The following CCKAR variants were observed in gnomAD, a reference collection of about 807,000 sequenced individuals.
CCKAR encodes the protein cholecystokinin A receptor.
Under a neutral mutation model 29.8 loss-of-function variants are expected in CCKAR, and 21 were observed. The observed-to-expected ratio is 0.70, with a 90% CI of 0.50 to 1.01. The LOEUF (loss-of-function observed/expected upper bound fraction) is 1.01. Ranked by LOEUF, CCKAR falls within the 50% of genes least tolerant of loss-of-function variation. The pLI, the probability that CCKAR is intolerant of heterozygous loss-of-function variation, is 0.00. For synonymous variants in CCKAR, 238 were observed against 221.3 expected, an observed-to-expected ratio of 1.08 and a Z score of -0.67; for missense variants, 570 against 560.6, an observed-to-expected ratio of 1.02 and a Z score of -0.17.
In CCKAR at chr4:26,481,789, A is replaced by G. The variant is rs1737350720; in HGVS notation, c.1136T>C (p.Leu379Pro). ...IYCFMNKRFR[L>P]GFMATFPCCP... is the part of the protein sequence containing the mutation. ...GCAGGGGAAGGTGGCCATGAAGCCG[A>G]GGCGGAAGCGTTTGTTCATGAAGCA... Residue 379 changes from leucine (L) to proline (P), a missense_variant, in exon 5 of 5, where the codon CTC (leucine) becomes CCC (proline). Leu to Pro is a moderately conservative substitution (Grantham distance 98). Transcript: ENST00000295589. 6.2e-7 allele frequency: 1 copy of G among 1,613,858 alleles called. No individual in the cohort carries two copies.
chr4:26,481,663 A>G lies in CCKAR; in HGVS notation c.1262T>C (p.Met421Thr), dbSNP rs776397508. The change falls in exon 5 of 5, where the codon ATG becomes ACG. Residue 421 changes from methionine (M) to threonine (T), a missense_variant. Transcript: ENST00000295589. ...TCACTGGGGTGGCACCGAGGCACTC[A>G]TATGGCTGTACGAGAACCTGGACAG... ...ASLSRFSYSHMSASVPPQ is the reference protein window; with the variant it reads ...ASLSRFSYSHTSASVPPQ The G allele has an allele frequency of 6.2e-7, 1 of 1,614,042 alleles. No individual in the cohort carries two copies. Among genetic ancestry groups the G allele is most frequent in the African/African-American group, 1.3e-5 (1 of 74,952 alleles).
At chr4:26,486,850 G>A (rs1465555923) in intron 2 of CCKAR, among the ~76,000 whole-genome samples, 1 of 152,152 alleles carries the variant, frequency 6.6e-6, no homozygotes, top group Non-Finnish European at 1.5e-5. Flanking sequence ...GGAGGCCAAG[G>A]TTGTAGTGAG....
At position 26,481,470 on chromosome 4, in the gene CCKAR, C is replaced by G. The variant is rs940712914; in HGVS notation, c.*168G>C. 2 of 727,466 alleles carry G rather than the reference C, an allele frequency of 2.7e-6. No individual in the cohort carries two copies. The highest frequency in any genetic ancestry group is 3.5e-5 in the African/African-American group (2 of 56,732). The allele number at this position is 727,466 out of a possible 1,614,324, so 45.1% of individuals were successfully genotyped here. ...CAATCATGGCCCCACTGGAGCAGTG[C>G]TCTGGAATCCAGATGAAGGATGAAA... On this transcript the variant is annotated 3_prime_UTR_variant, in exon 5 of 5. Coordinates refer to ENST00000295589, the MANE Select transcript of CCKAR (RefSeq NM_000730.3).
Position 26,485,653 on chromosome 4 carries a change from C to T in CCKAR, c.610G>A (p.Val204Ile), listed in dbSNP as rs761231527. ...CAACCTTACCAGGACTGCTGCATAA[C>T]ATCATTTGGCAGTAGAAAGCGGCAC... ...NMCRFLLPND[V>I]MQQSWHTFLL... The change falls in exon 3 of 5, where the codon GTT (valine) becomes ATT (isoleucine). Residue 204 changes from valine (V) to isoleucine (I), a missense_variant. Physicochemically the swap from Val to Ile is conservative, Grantham distance 29. Coordinates refer to ENST00000295589, the MANE Select transcript of CCKAR (RefSeq NM_000730.3). 3.7e-6 allele frequency: 6 copies of T among 1,613,998 alleles called. No homozygotes were observed. Among genetic ancestry groups the T allele is most frequent in the African/African-American group, 2.7e-5 (2 of 74,884 alleles).
At position 26,485,749 on chromosome 4, in the gene CCKAR, T is replaced by C. The variant is rs368164841; in HGVS notation, c.514A>G (p.Ile172Val). The change falls in exon 3 of 5, where the codon ATC becomes GTC. Residue 172 changes from isoleucine (I) to valine (V), a missense_variant. Physicochemically the swap from Ile to Val is conservative, Grantham distance 29. Coordinates refer to ENST00000295589, the MANE Select transcript of CCKAR (RefSeq NM_000730.3). ...IAATWCLSFTIMTPYPIYSNL... is the reference protein window; with the variant it reads ...IAATWCLSFTVMTPYPIYSNL... ...CTATAAATGGGGTACGGAGTCATGA[T>C]GGTAAAGGAAAGGCACCAGGTAGCA... is the stretch of plus-strand genomic sequence containing the variant. The C allele has an allele frequency of 1.1e-5, 17 of 1,614,114 alleles. No individual in the cohort carries two copies. In the African/African-American group the frequency reaches 2.1e-4, roughly 20 times the overall value.
rs1025273389 is a variant in CCKAR, at chr4:26,490,341, C to T, written c.-74G>A. The stretch of plus-strand genomic sequence containing the variant: ...ACTCCCGGCTCATTCCTCTAATGAC[C>T]GAAGCGTCTCGCAGATGCAACCTGC... On this transcript the variant is annotated 5_prime_UTR_variant, in exon 1 of 5. Transcript: ENST00000295589. 7.0e-6 allele frequency: 7 copies of T among 1,003,228 alleles called. No homozygotes were observed. Among genetic ancestry groups the T allele is most frequent in the Admixed American group, 5.6e-5 (3 of 53,306 alleles). The allele number at this position is 1,003,228 out of a possible 1,614,324, so 62.1% of individuals were successfully genotyped here. A position where few individuals can be genotyped will look rare whatever the true frequency, so the allele number is the denominator to read the frequency against.
rs543589096 is a variant in CCKAR, at chr4:26,489,302, G to A, written c.295C>T (p.Leu99Phe). The A allele has an allele frequency of 3.1e-6, 5 of 1,614,176 alleles. No individual in the cohort carries two copies. The highest frequency in any genetic ancestry group is 2.2e-5 in the South Asian group (2 of 91,082). Residue 99 changes from leucine (L) to phenylalanine (F), a missense_variant, in exon 2 of 5, where the codon CTC becomes TTC. Physicochemically the swap from Leu to Phe is conservative, Grantham distance 22 (BLOSUM62 0). Coordinates refer to ENST00000295589, the MANE Select transcript of CCKAR (RefSeq NM_000730.3). The part of the protein sequence containing the change: ...MLCLFCMPFN[L>F]IPNLLKDFIF... ...AAATCCTTGAGCAGATTGGGGATGAGGTTGAACGGCATGCAGAAGAGACAG... is the reference window on the plus strand; with the variant it reads ...AAATCCTTGAGCAGATTGGGGATGAAGTTGAACGGCATGCAGAAGAGACAG...
rs1055859900 is a variant in CCKAR at position 26,481,986 on chromosome 4, G to A, written c.939C>T (p.Arg313=). ...AGAGGACCACGATGACGATGAGCAT[G>A]CGGATCACCCTTTTCTTGGCCATCA... is the stretch of plus-strand genomic sequence containing the variant. ...ANLMAKKRVI[R]MLIVIVVLFF... The change falls in exon 5 of 5, where the codon CGC becomes CGT. Residue 313 remains arginine, a synonymous_variant. Transcript: ENST00000295589. The A allele has an allele frequency of 6.2e-7, 1 of 1,614,140 alleles. No homozygotes were observed. Among genetic ancestry groups the A allele is most frequent in the Non-Finnish European group, 8.5e-7 (1 of 1,180,054 alleles).
At position 26,485,875 on chromosome 4, in the gene CCKAR, A is replaced by G; in HGVS notation, c.388T>C (p.Phe130Leu). 1 of 1,613,820 alleles carries G rather than the reference A, an allele frequency of 6.2e-7. No individual in the cohort carries two copies. Among genetic ancestry groups the G allele is most frequent in the Non-Finnish European group, 8.5e-7 (1 of 1,179,822 alleles). ...FMGTSVSVST[F>L]NLVAISLERY... ...TCTAGAGATATGGCTACCAGATTAA[A>G]GGTAGATACACTCACAGAGGTGCCT... Residue 130 changes from phenylalanine (F) to leucine (L), a missense_variant, in exon 3 of 5, where the codon TTT becomes CTT. By Grantham distance (22) the Phe-to-Leu change is conservative. Coordinates refer to ENST00000295589, the MANE Select transcript of CCKAR (RefSeq NM_000730.3).
At chr4:26,486,784 C>T (rs776027102) in intron 2 of CCKAR, among the ~76,000 whole-genome samples, 6 of 152,054 alleles carry the variant, frequency 3.9e-5, no homozygotes, top group Non-Finnish European at 8.8e-5. Context: ...CATGGCTGCA[C>T]GTGCCTGTAA....
At chr4:26,486,053 A>T (rs1182261208) in intron 2 of CCKAR, among the ~76,000 whole-genome samples, 155 bp from the exon 3 acceptor site, 4 of 152,226 alleles carry the variant, frequency 2.6e-5, no homozygotes, top group Non-Finnish European at 5.9e-5. Flanking sequence ...TTAAAAGATG[A>T]TTTATTCTCA....
At chr4:26,483,878 C>T (rs922433852) in intron 3 of CCKAR, among the ~76,000 whole-genome samples, 2 of 152,194 alleles carry the variant, frequency 1.3e-5, no homozygotes, top group Non-Finnish European at 2.9e-5. Context: ...TTAAGCATCA[C>T]GGTATACCAT....
At chr4:26,483,043 A>T in intron 4 of CCKAR, 113 bp downstream of exon 4, 1 of 1,032,120 alleles carries the variant, frequency 9.7e-7, no homozygotes, top group Non-Finnish European at 1.4e-6. Context: ...TCATAAGAAT[A>T]CTTAAAAGCT....
rs1737355195 is a variant in CCKAR at position 26,481,918 on chromosome 4, C to T, written c.1007G>A (p.Arg336Gln). Residue 336 changes from arginine to glutamine, a missense_variant, in exon 5 of 5, where the codon CGG (arginine) becomes CAG (glutamine). Coordinates refer to ENST00000295589, the MANE Select transcript of CCKAR (RefSeq NM_000730.3). ...CTCTGCGGAGGCGGTGTCGTAGGCCCGCCAGGCGTTGGCGCTGAAGATGGG... is the reference window on the plus strand; with the variant it reads ...CTCTGCGGAGGCGGTGTCGTAGGCCTGCCAGGCGTTGGCGCTGAAGATGGG... Reference protein sequence around the residue: ...WMPIFSANAWRAYDTASAERR... With the variant: ...WMPIFSANAWQAYDTASAERR... 1 of 1,614,246 alleles carries T rather than the reference C, an allele frequency of 6.2e-7. No homozygotes were observed. The highest frequency in any genetic ancestry group is 8.5e-7 in the Non-Finnish European group (1 of 1,180,040).
At position 26,481,535 on chromosome 4, in the gene CCKAR, C is replaced by A. The variant is rs1737343208; in HGVS notation, c.*103G>T. 2 of 1,269,654 alleles carry A rather than the reference C, an allele frequency of 1.6e-6. No homozygotes were observed. Among genetic ancestry groups the A allele is most frequent in the Non-Finnish European group, 2.3e-6 (2 of 888,304 alleles). The allele number at this position is 1,269,654 out of a possible 1,614,324, so 78.6% of individuals were successfully genotyped here. ...AGTTCCCACTGGAGATGGAGCCTTC[C>A]TTCTCCATCAGCTCTGCTCCTTCTC... On this transcript the variant is annotated 3_prime_UTR_variant, in exon 5 of 5. Coordinates refer to ENST00000295589, the MANE Select transcript of CCKAR (RefSeq NM_000730.3).
chr4:26,487,933 TC>T (rs944605520), intron 2 of CCKAR, among the ~76,000 whole-genome samples: 1 of 151,926 alleles, frequency 6.6e-6, no homozygotes, highest in Non-Finnish European at 1.5e-5. Context: ...TTTTTTTTTT[TC>T]AGAGGACTTG....
Position 26,483,161 on chromosome 4 carries a change from G to T in CCKAR, c.749C>A (p.Ala250Asp), listed in dbSNP as rs1446854130. 1 of 1,613,422 alleles carries T rather than the reference G, an allele frequency of 6.2e-7. No individual in the cohort carries two copies. The highest frequency in any genetic ancestry group is 1.1e-5 in the South Asian group (1 of 90,912). ...CACAGCTACAAGATAGTTACCTTTA[G>T]CAGACTTCTTCTGGCTAGCCTCAAA... Reference protein sequence around the residue: ...IKFEASQKKSAKERKPSTTSS... With the variant: ...IKFEASQKKSDKERKPSTTSS... The change falls in exon 4 of 5, where the codon GCT becomes GAT. Residue 250 changes from alanine to aspartate, a missense_variant. Ala to Asp is a moderately radical substitution (Grantham distance 126, BLOSUM62 -2). Coordinates refer to ENST00000295589, the MANE Select transcript of CCKAR (RefSeq NM_000730.3).
At chr4:26,485,485 C>G in intron 3 of CCKAR, 152 bp downstream of exon 3, 1 of 708,938 alleles carries the variant, frequency 1.4e-6, no homozygotes, top group Non-Finnish European at 2.3e-6. Context: ...TGTTTGCTAT[C>G]GTGATTATCC....
Position 26,483,158 on chromosome 4 carries a change from T to G in CCKAR, c.752A>C (p.Lys251Thr). The G allele has an allele frequency of 6.2e-7, 1 of 1,613,564 alleles. No individual in the cohort carries two copies. The highest frequency in any genetic ancestry group is 8.5e-7 in the Non-Finnish European group (1 of 1,179,838). ...KFEASQKKSAKERKPSTTSSG... is the reference protein window; with the variant it reads ...KFEASQKKSATERKPSTTSSG... ...ACACACAGCTACAAGATAGTTACCT[T>G]TAGCAGACTTCTTCTGGCTAGCCTC... Residue 251 changes from lysine (K) to threonine (T), a missense_variant and splice_region_variant, in exon 4 of 5, where the codon AAA becomes ACA. Coordinates refer to ENST00000295589, the MANE Select transcript of CCKAR (RefSeq NM_000730.3).
Sources: gnomAD v4.1 joint callset for allele counts (sites outside exome capture counted in the v4.1 genomes callset) on GRCh38, gnomAD v4.1.1 for gene constraint, MANE v1.5 for transcripts, NCBI Gene and HGNC (gene_info 2026-07-23, HGNC 2026-07-21) for gene names.